Variants in GDPD3 observed in about 807,000 individuals in gnomAD.
GDPD3 encodes lysophospholipase D GDPD3.
Under a neutral mutation model 43.7 loss-of-function variants are expected in GDPD3, and 40 were observed. The observed-to-expected ratio is 0.91, with a 90% confidence interval of 0.71 to 1.19. GDPD3 has a LOEUF of 1.19. GDPD3 is among the 50% of genes most tolerant of loss of function. The probability of loss-of-function intolerance (pLI) is 0.00; values close to 1 mark genes in which losing one functional copy is unlikely to be tolerated. For synonymous variants in GDPD3, 145 were observed against 162.9 expected, an observed-to-expected ratio of 0.89 and a Z score of 0.84; for missense variants, 363 against 415.8, an observed-to-expected ratio of 0.87 and a Z score of 1.11.
chr16:30,112,287 G>T lies in GDPD3; in HGVS notation c.483+19C>A. On this transcript the variant is annotated intron_variant, in intron 5 of 9. Coordinates refer to ENST00000406256, the MANE Select transcript of GDPD3 (RefSeq NM_024307.3). This position sits in a 1 kb window ranked among gnomAD's most constrained non-coding sequence, Gnocchi z 5.4. ...TCTCACGCCCCCGGTGGCCGCCCTA[G>T]CCCTGCCTGCAGCACCACCTCACGG... is the stretch of plus-strand genomic sequence containing the variant. The T allele has an allele frequency of 6.2e-7, 1 of 1,613,370 alleles. No homozygotes were observed. Among genetic ancestry groups the T allele is most frequent in the Non-Finnish European group, 8.5e-7 (1 of 1,179,330 alleles).
intron 7 of GDPD3, among the ~76,000 whole-genome samples, chr16:30,108,871 G>A (rs1013274626): frequency 6.0e-5 from 9 of 149,840 alleles, no homozygotes; most frequent in Non-Finnish European, 1.2e-4. Flanking sequence ...TTGCTCTGTC[G>A]CCCAGGCTGG....
At position 30,112,575 on chromosome 16, in the gene GDPD3, A is replaced by C; in HGVS notation, c.319-7T>G. On this transcript the variant is annotated splice_region_variant and splice_polypyrimidine_tract_variant and intron_variant, in intron 3 of 9. Transcript: ENST00000406256. The surrounding 1 kb of genome is among the most constrained non-coding windows in gnomAD (Gnocchi z 5.4). ...CCTTGTAGAGGGGCAGGTCCTGGGG[A>C]GGACAGGAAGGATGTCACTAGAGGC... The C allele has an allele frequency of 6.2e-7, 1 of 1,613,998 alleles. No individual in the cohort carries two copies. Among genetic ancestry groups the C allele is most frequent in the Non-Finnish European group, 8.5e-7 (1 of 1,179,984 alleles).
intron 7 of GDPD3, 93 bp from the exon 8 acceptor site, chr16:30,108,525 G>T: frequency 9.0e-7 from 1 of 1,115,484 alleles, no homozygotes; most frequent in Non-Finnish European, 1.4e-6. Flanking sequence ...CTAGGGTAGC[G>T]CTGCCCTCCC....
chr16:30,112,280 C>T lies in GDPD3; in HGVS notation c.483+26G>A, dbSNP rs758371924. 3.2e-5 allele frequency: 51 copies of T among 1,613,086 alleles called. No individual in the cohort carries two copies. The highest frequency in any genetic ancestry group is 2.2e-5 in the East Asian group (1 of 44,890). On this transcript the variant is annotated intron_variant, in intron 5 of 9. Transcript: ENST00000406256. The surrounding 1 kb of genome is among the most constrained non-coding windows in gnomAD (Gnocchi z 5.4). ...AGGCCTCTCTCACGCCCCCGGTGGC[C>T]GCCCTAGCCCTGCCTGCAGCACCAC...
rs769742544 is a variant in GDPD3 at position 30,104,989 on chromosome 16, A to C, written c.840T>G (p.Asn280Lys). The change falls in exon 10 of 10, where the codon AAT becomes AAG. Residue 280 changes from asparagine to lysine, a missense_variant. Coordinates refer to ENST00000406256, the MANE Select transcript of GDPD3 (RefSeq NM_024307.3). ...RGVQVVFWCLNEESDFEAAFS... is the reference protein window; with the variant it reads ...RGVQVVFWCLKEESDFEAAFS... ...AGGCTGCTTCAAAATCCGACTCTTC[A>C]TTAAGGCACCAAAAGACCACCTGAG... 1.9e-6 allele frequency: 3 copies of C among 1,610,824 alleles called. No homozygotes were observed. The highest frequency in any genetic ancestry group is 4.5e-5 in the East Asian group (2 of 44,842).
chr16:30,110,174 C>T (rs765001069), intron 7 of GDPD3, among the ~76,000 whole-genome samples: 1 of 151,974 alleles, frequency 6.6e-6, no homozygotes, highest in South Asian at 2.1e-4. Context: ...CAGTGGGTCA[C>T]GCCTGTAATC....
chr16:30,106,826 C>T (rs188539453), intron 9 of GDPD3, among the ~76,000 whole-genome samples: 56 of 152,046 alleles, frequency 3.7e-4, no homozygotes, highest in African/African-American at 1.3e-3. Context: ...CGTGCTTGAG[C>T]CTCCCAAGTA....
chr16:30,113,419 G>T lies in GDPD3; in HGVS notation c.60C>A (p.Ile20=), dbSNP rs1424829651. The change falls in exon 1 of 10, where the codon ATC becomes ATA. Residue 20 remains isoleucine (I), a synonymous_variant. Coordinates refer to ENST00000406256, the MANE Select transcript of GDPD3 (RefSeq NM_024307.3). This position sits in a 1 kb window ranked among gnomAD's most constrained non-coding sequence, Gnocchi z 5.9. The part of the protein sequence containing the change: ...PALGSYAMLS[I]FFLRRPHLLH... Reference sequence around the variant, plus strand: ...GCAGATGAGGCCGGCGCAGGAAGAAGATGGAGAGCATGGCATAGCTGCCCA... The same window carrying T: ...GCAGATGAGGCCGGCGCAGGAAGAATATGGAGAGCATGGCATAGCTGCCCA... 6.2e-7 allele frequency: 1 copy of T among 1,612,178 alleles called. No homozygotes were observed. The highest frequency in any genetic ancestry group is 8.5e-7 in the Non-Finnish European group (1 of 1,178,832).
intron 6 of GDPD3, 174 bp downstream of exon 6, chr16:30,111,958 A>G (rs2072902685): frequency 4.9e-6 from 3 of 610,054 alleles, no homozygotes; most frequent in Non-Finnish European, 8.7e-6. Context: ...CAAAAGTCAC[A>G]TCTTGGCTCT....
In GDPD3 at chr16:30,112,734, A is replaced by ACT; in HGVS notation, c.240_241dup (p.Val81GlufsTer17). ...GTTCTCATCATGTGACACCACCACC[A>ACT]CTCTGTCCCGTGTCAGCTGACAGTC... is the stretch of plus-strand genomic sequence containing the variant. On this transcript the variant is annotated frameshift_variant, in exon 3 of 10. Transcript: ENST00000406256. LOFTEE classifies it high-confidence loss of function. The surrounding 1 kb of genome is among the most constrained non-coding windows in gnomAD (Gnocchi z 5.4). 1 of 1,612,766 alleles carries ACT rather than the reference A, an allele frequency of 6.2e-7. No individual in the cohort carries two copies. The highest frequency in any genetic ancestry group is 8.5e-7 in the Non-Finnish European group (1 of 1,179,840).
In GDPD3 at chr16:30,108,263, G is replaced by T; in HGVS notation, c.769C>A (p.Leu257Met). Residue 257 changes from leucine to methionine, a missense_variant and splice_region_variant, in exon 9 of 10, where the codon CTG (leucine) becomes ATG (methionine). By Grantham distance (15) the Leu-to-Met change is conservative. Coordinates refer to ENST00000406256, the MANE Select transcript of GDPD3 (RefSeq NM_024307.3). Reference sequence around the variant, plus strand: ...CGGATCAGACTCTTCCTCATGATCAGCCTGGGGGTGGGGTGGGGACGTGGG... The same window carrying T: ...CGGATCAGACTCTTCCTCATGATCATCCTGGGGGTGGGGTGGGGACGTGGG... The part of the protein sequence containing the change: ...NQLLAVVSKW[L>M]IMRKSLIRHL... 1 of 1,612,314 alleles carries T rather than the reference G, an allele frequency of 6.2e-7. No individual in the cohort carries two copies. Among genetic ancestry groups the T allele is most frequent in the South Asian group, 1.1e-5 (1 of 90,864 alleles).
chr16:30,112,689 A>C lies in GDPD3; in HGVS notation c.287T>G (p.Leu96Arg). 6.2e-7 allele frequency: 1 copy of C among 1,613,986 alleles called. No individual in the cohort carries two copies. Among genetic ancestry groups the C allele is most frequent in the Non-Finnish European group, 8.5e-7 (1 of 1,179,994 alleles). ...HDENLCRQSG[L>R]NRDVGSLDFE... ...GTCCAGGCTGCCCACATCCCTGTTT[A>C]GGCCCGACTGGCGGCACAGGTTCTC... Residue 96 changes from leucine (L) to arginine (R), a missense_variant, in exon 3 of 10, where the codon CTA becomes CGA. Physicochemically the swap from Leu to Arg is moderately radical, Grantham distance 102. Coordinates refer to ENST00000406256, the MANE Select transcript of GDPD3 (RefSeq NM_024307.3). The surrounding 1 kb of genome is among the most constrained non-coding windows in gnomAD (Gnocchi z 5.4).
At position 30,111,472 on chromosome 16, in the gene GDPD3, A is replaced by C; in HGVS notation, c.623T>G (p.Leu208Arg). ...SFTISRGFWV[L>R]LSYYLGLLPF... ...CAGCAGCCCCAGGTAGTAGGAAAGC[A>C]GCACCCAGAATCCTCGGCTTATTGT... The change falls in exon 7 of 10, where the codon CTG (leucine) becomes CGG (arginine). Residue 208 changes from leucine to arginine, a missense_variant. Physicochemically the swap from Leu to Arg is moderately radical, Grantham distance 102. Transcript: ENST00000406256. The C allele has an allele frequency of 3.7e-6, 6 of 1,614,080 alleles. No homozygotes were observed. Among genetic ancestry groups the C allele is most frequent in the Non-Finnish European group, 5.1e-6 (6 of 1,179,990 alleles).
chr16:30,110,641 G>C (rs903956757), intron 7 of GDPD3: 11 of 151,768 alleles, frequency 7.2e-5, no homozygotes, highest in Non-Finnish European at 1.6e-4. Context: ...GGAGACCAAG[G>C]TGGGAGGCTC....
chr16:30,108,198 T>C lies in GDPD3; in HGVS notation c.819+15A>G. 1 of 1,571,514 alleles carries C rather than the reference T, an allele frequency of 6.4e-7. No homozygotes were observed. Among genetic ancestry groups the C allele is most frequent in the Non-Finnish European group, 8.7e-7 (1 of 1,154,458 alleles). On this transcript the variant is annotated intron_variant, in intron 9 of 9. Transcript: ENST00000406256. ...CCAGGTCTGTGTGCGGTGGAAGTGG[T>C]GGTCACGGCCTCACCTGCACCCCTC...
intron 7 of GDPD3, among the ~76,000 whole-genome samples, chr16:30,110,323 C>G (rs554198273): frequency 6.6e-6 from 1 of 151,288 alleles, no homozygotes; most frequent in Non-Finnish European, 1.5e-5. Context: ...CCCAGCTACT[C>G]GGGAGGCTGA....
intron 7 of GDPD3, 21 bp from the exon 8 acceptor site, chr16:30,108,453 G>C: frequency 1.2e-6 from 2 of 1,612,956 alleles, no homozygotes; most frequent in Admixed American, 1.7e-5. Flanking sequence ...AAGGAAGTGG[G>C]GGTTAGCTCC....
chr16:30,105,435 C>T (rs1454738044), intron 9 of GDPD3, among the ~76,000 whole-genome samples: 2 of 145,230 alleles, frequency 1.4e-5, no homozygotes, highest in Non-Finnish European at 3.0e-5. Context: ...CCAGCCTGGG[C>T]GATACAACAA....
chr16:30,110,044 C>T (rs909721095), intron 7 of GDPD3, among the ~76,000 whole-genome samples: 2 of 152,110 alleles, frequency 1.3e-5, no homozygotes, highest in African/African-American at 4.8e-5. Flanking sequence ...CCTCTCTGGG[C>T]CTCAGATTCT....
Sources: gnomAD v4.1 joint callset for allele counts (sites outside exome capture counted in the v4.1 genomes callset) on GRCh38, gnomAD v4.1.1 for gene constraint, Gnocchi (gnomAD v3.1) non-coding constraint, MANE v1.5 for transcripts, NCBI Gene and HGNC (gene_info 2026-07-23, HGNC 2026-07-21) for gene names.